Variants in COL4A5 observed in about 807,000 individuals in gnomAD.
COL4A5 encodes the protein collagen alpha-5(IV) chain.
Under a neutral mutation model 130.2 loss-of-function variants are expected in COL4A5, and 26 were observed. That is an observed-to-expected ratio of 0.20 (90% CI 0.15 to 0.28). The LOEUF (loss-of-function observed/expected upper bound fraction) is 0.28. Among genes scored for constraint, COL4A5 ranks in the 10% least tolerant of loss-of-function variants. COL4A5 has a pLI of 1.00. For missense variants in COL4A5, 1,131 were observed against 1,344.3 expected, an observed-to-expected ratio of 0.84 and a Z score of 2.48; for synonymous variants, 496 against 439.6, an observed-to-expected ratio of 1.13 and a Z score of -1.60.
intron 47 of COL4A5, 138 bp from the exon 48 acceptor site, chrX:108,685,893 G>C: frequency 3.9e-6 from 2 of 514,236 alleles, no homozygotes; most frequent in Non-Finnish European, 6.8e-6. Flanking sequence ...TCCTGGACTT[G>C]AGTTATCTCT....
Position 108,596,047 on chromosome X carries a change from C to A in COL4A5, c.1516+446C>A, listed in dbSNP as rs181226381. On this transcript the variant is annotated intron_variant, in intron 22 of 52. Transcript: ENST00000328300. The stretch of plus-strand genomic sequence containing the variant: ...ATCAACTGCCAGTATTCCTCTCTCT[C>A]TATATATAACACATCTATCCCCCTT... Among the ~76,000 whole-genome samples, 256 of 111,538 alleles carry A rather than the reference C, an allele frequency of 2.3e-3. 2 individuals are homozygous for A. The highest frequency in any genetic ancestry group is 0.011 in the South Asian group (30 of 2,609).
intron 1 of COL4A5, among the ~76,000 whole-genome samples, chrX:108,447,863 C>G (rs1032168997): frequency 9.0e-6 from 1 of 111,378 alleles, no homozygotes; most frequent in East Asian, 2.8e-4. Flanking sequence ...ATAAATGAAC[C>G]ACCCAGACAC....
At chrX:108,615,498 T>G (rs1603295794) in intron 30 of COL4A5, among the ~76,000 whole-genome samples, 1 of 111,611 alleles carries the variant, frequency 9.0e-6, no homozygotes, top group East Asian at 2.8e-4. Flanking sequence ...TATTTTCCCT[T>G]TTTGCCCCTA....
chrX:108,458,776 A>G (rs767017333), intron 1 of COL4A5, among the ~76,000 whole-genome samples: 3 of 111,551 alleles, frequency 2.7e-5, no homozygotes, highest in South Asian at 3.8e-4. Flanking sequence ...GTCAGGAGAT[A>G]GAGACCATCC....
intron 36 of COL4A5, among the ~76,000 whole-genome samples, chrX:108,629,840 G>C (rs187697278): frequency 0.021 from 2,283 of 109,199 alleles, 24 homozygotes; most frequent in Non-Finnish European, 0.033. Context: ...CAGGGTGTGT[G>C]ATGTCCCCCG....
At chrX:108,480,364 T>C (rs2064877006) in intron 1 of COL4A5, among the ~76,000 whole-genome samples, 1 of 112,801 alleles carries the variant, frequency 8.9e-6, no homozygotes, top group Non-Finnish European at 1.9e-5. Flanking sequence ...ATTTATTTCC[T>C]ATCCTCTGGC....
At chrX:108,645,115 A>G (rs2067553803) in intron 36 of COL4A5, among the ~76,000 whole-genome samples, 1 of 110,408 alleles carries the variant, frequency 9.1e-6, no homozygotes, top group African/African-American at 3.3e-5. Flanking sequence ...CCTACATCAA[A>G]AAGACGAAAA....
At chrX:108,483,862 T>A (rs1228406876) in intron 1 of COL4A5, among the ~76,000 whole-genome samples, 1 of 112,701 alleles carries the variant, frequency 8.9e-6, no homozygotes, top group Non-Finnish European at 1.9e-5. Context: ...ATTTCTCTGA[T>A]GAACAATGTT....
chrX:108,629,911 C>T (rs1051631811), intron 36 of COL4A5, among the ~76,000 whole-genome samples: 81 of 110,502 alleles, frequency 7.3e-4, no homozygotes, highest in African/African-American at 2.4e-3. Context: ...ATGCGGTGTT[C>T]GGTTTTCTCT....
intron 1 of COL4A5, chrX:108,462,394 AGGG>A (rs1357389914): frequency 8.9e-6 from 1 of 111,963 alleles, no homozygotes; most frequent in Non-Finnish European, 1.9e-5. Flanking sequence ...TTACAGTCAT[AGGG>A]TTATTTTATT....
intron 24 of COL4A5, 69 bp from the exon 25 acceptor site, chrX:108,598,633 G>T (rs966274657): frequency 2.0e-6 from 2 of 995,969 alleles, no homozygotes; most frequent in African/African-American, 1.9e-5. Flanking sequence ...TTCCCCAGTT[G>T]TATTCAGTAC....
rs104886312 is a variant in COL4A5 at position 108,591,645 on chromosome X, G to A, written c.1423+1G>A. 8.5e-7 allele frequency: 1 copy of A among 1,177,118 alleles called. No homozygotes were observed. Among genetic ancestry groups the A allele is most frequent in the Admixed American group, 2.2e-5 (1 of 45,926 alleles). ...CTCCAAGGAGAACAAGGAGTGAAAG[G>A]TTTGATCTCCAAACATATTCATTCC... On this transcript the variant is annotated splice_donor_variant, in intron 21 of 52. Transcript: ENST00000328300. LOFTEE classifies it high-confidence loss of function.
chrX:108,494,232 C>G (rs1390838170), intron 1 of COL4A5, among the ~76,000 whole-genome samples: 5 of 110,829 alleles, frequency 4.5e-5, no homozygotes, highest in Non-Finnish European at 9.5e-5. Flanking sequence ...TCAGGTGGCC[C>G]CTAATTTAAT....
chrX:108,514,540 G>C (rs1485317110), intron 1 of COL4A5, among the ~76,000 whole-genome samples: 1 of 111,953 alleles, frequency 8.9e-6, no homozygotes, highest in African/African-American at 3.2e-5. Context: ...AAGCAAGAAA[G>C]AAGTTAGAAC....
intron 4 of COL4A5, among the ~76,000 whole-genome samples, chrX:108,567,592 A>AC (rs2065992808): frequency 8.9e-6 from 1 of 111,786 alleles, no homozygotes; most frequent in South Asian, 3.7e-4. Flanking sequence ...ATAAAGACAT[A>AC]CCCAAGACTA....
chrX:108,616,478 C>T (rs947994723), intron 30 of COL4A5, among the ~76,000 whole-genome samples: 15 of 111,018 alleles, frequency 1.4e-4, no homozygotes, highest in East Asian at 5.7e-4. Flanking sequence ...TCAGGTGATT[C>T]GCCCGCCTCG....
chrX:108,593,204 A>G lies in COL4A5; in HGVS notation c.1423+1560A>G, dbSNP rs555677216. ...TCTGGAAATTGAATTGCTGGGTTAT[A>G]GGTTAGGTGTAGGTTTTGTTTCATA... On this transcript the variant is annotated intron_variant, in intron 21 of 52. Coordinates refer to ENST00000328300, the MANE Select transcript of COL4A5 (RefSeq NM_033380.3). Among the ~76,000 whole-genome samples the G allele has an allele frequency of 2.7e-5, 3 of 111,579 alleles. No individual in the cohort carries two copies. In the South Asian group the frequency reaches 1.1e-3, roughly 42 times the overall value.
chrX:108,597,654 T>A, intron 24 of COL4A5, 86 bp downstream of exon 24: 1 of 862,721 alleles, frequency 1.2e-6, no homozygotes, highest in Non-Finnish European at 1.7e-6. Flanking sequence ...ATGGGACTGA[T>A]GCTGAGATAA....
At chrX:108,574,303 T>C (rs1354655933) in intron 9 of COL4A5, among the ~76,000 whole-genome samples, 1 of 112,001 alleles carries the variant, frequency 8.9e-6, no homozygotes, top group African/African-American at 3.2e-5. Flanking sequence ...TGTCATTCCT[T>C]ACTTGATATC....
Sources: allele counts gnomAD v4.1 joint callset (sites outside exome capture counted in the v4.1 genomes callset), GRCh38; gene constraint gnomAD v4.1.1; transcripts MANE v1.5; gene names NCBI Gene and HGNC (gene_info 2026-07-23, HGNC 2026-07-21).